The following KCNH6 variants were observed in gnomAD, a reference collection of about 807,000 sequenced individuals.
The protein encoded by KCNH6 is voltage-gated inwardly rectifying potassium channel KCNH6.
KCNH6 carries 81 observed loss-of-function variants against 83.4 expected under a neutral mutation model. The ratio of observed to expected loss-of-function variants is 0.97; its 90% CI spans 0.81 to 1.17. The LOEUF (loss-of-function observed/expected upper bound fraction) is 1.17, where lower values mean the gene tolerates loss of function less well. Ranked by LOEUF, KCNH6 falls within the 50% of genes most tolerant of loss-of-function variation. The probability of loss-of-function intolerance (pLI) is 0.00; values close to 1 mark genes in which losing one functional copy is unlikely to be tolerated. For missense variants in KCNH6, 1,203 were observed against 1,290.5 expected (o/e 0.93, Z 1.04); for synonymous variants, 503 against 545.6 (o/e 0.92, Z 1.09).
At chr17:63,543,878 G>A in intron 10 of KCNH6, 1 of 637,018 alleles carries the variant, frequency 1.6e-6, no homozygotes, top group Non-Finnish European at 2.8e-6. Flanking sequence ...AGGGCTCTGT[G>A]GTTCAAATGC....
chr17:63,534,052 T>C lies in KCNH6; in HGVS notation c.842T>C (p.Leu281Pro), dbSNP rs1374780871. The change falls in exon 5 of 13, where the codon CTG becomes CCG. Residue 281 changes from leucine to proline, a missense_variant. By Grantham distance (98) the Leu-to-Pro change is moderately conservative. Transcript: ENST00000314672. The surrounding 1 kb of genome is among the most constrained non-coding windows in gnomAD (Gnocchi z 5.0). ...TTCACGCCCTACTCAGCCGCCTTCC[T>C]GCTCAGCGATCAGGACGAATCACGG... ...AVFTPYSAAF[L>P]LSDQDESRRG... is the part of the protein sequence containing the mutation. The C allele has an allele frequency of 6.2e-7, 1 of 1,614,184 alleles. No homozygotes were observed. Among genetic ancestry groups the C allele is most frequent in the Admixed American group, 1.7e-5 (1 of 60,020 alleles).
Position 63,544,087 on chromosome 17 carries a change from TG to T in KCNH6, c.2234-157del, listed in dbSNP as rs776509133. On this transcript the variant is annotated intron_variant, in intron 10 of 12. Transcript: ENST00000314672. The stretch of plus-strand genomic sequence containing the variant: ...CTGGGTCCTGGGAGCCAGAACTCCA[TG>T]GGGGCAGGACCTTGTGCTCCAGGGC... 3.4e-5 allele frequency: 55 copies of T among 1,609,514 alleles called. 1 individual carries two copies. The East Asian group carries it at 8.5e-4, about 25-fold the overall frequency.
Position 63,533,755 on chromosome 17 carries a change from A to C in KCNH6, c.676-131A>C, listed in dbSNP as rs1233844549. On this transcript the variant is annotated intron_variant, in intron 4 of 12. Coordinates refer to ENST00000314672, the MANE Select transcript of KCNH6 (RefSeq NM_001278919.2). This position sits in a 1 kb window ranked among gnomAD's most constrained non-coding sequence, Gnocchi z 4.1. ...ACACCCCCCACCCCATCTCTCCCTC[A>C]TCCCCTCTGCCCACCAGAGCCGTGG... 5.5e-6 allele frequency: 4 copies of C among 721,266 alleles called. No homozygotes were observed. The highest frequency in any genetic ancestry group is 5.4e-5 in the Admixed American group (2 of 37,094). 44.7% of individuals were successfully genotyped at this position (721,266 alleles called of 1,614,324 possible). A position where few individuals can be genotyped will look rare whatever the true frequency, so the allele number is the denominator to read the frequency against.
At chr17:63,540,928 TC>T (rs2032821495) in intron 8 of KCNH6, among the ~76,000 whole-genome samples, 1 of 152,144 alleles carries the variant, frequency 6.6e-6, no homozygotes, top group Admixed American at 6.5e-5. Context: ...GGTCCTTGTT[TC>T]TCTCGACACA....
Position 63,533,903 on chromosome 17 carries a change from G to C in KCNH6, c.693G>C (p.Ala231=), listed in dbSNP as rs772657780. The part of the protein sequence containing the change: ...EKVTQVLSLG[A]DVLPEYKLQA... Reference sequence around the variant, plus strand: ...ACCCCCAGGTCCTGTCCCTGGGCGCGGATGTGCTGCCGGAGTACAAGCTGC... The same window carrying C: ...ACCCCCAGGTCCTGTCCCTGGGCGCCGATGTGCTGCCGGAGTACAAGCTGC... Residue 231 remains alanine, a synonymous_variant, in exon 5 of 13, where the codon GCG becomes GCC. Transcript: ENST00000314672. The surrounding 1 kb of genome is among the most constrained non-coding windows in gnomAD (Gnocchi z 4.1). The C allele has an allele frequency of 6.2e-7, 1 of 1,613,372 alleles. No individual in the cohort carries two copies. The highest frequency in any genetic ancestry group is 1.1e-5 in the South Asian group (1 of 91,062).
Position 63,538,673 on chromosome 17 carries a change from C to A in KCNH6, c.1954+11C>A. The A allele has an allele frequency of 6.4e-7, 1 of 1,568,452 alleles. No individual in the cohort carries two copies. The highest frequency in any genetic ancestry group is 8.7e-7 in the Non-Finnish European group (1 of 1,153,112). On this transcript the variant is annotated intron_variant, in intron 8 of 12. Transcript: ENST00000314672. This position sits in a 1 kb window ranked among gnomAD's most constrained non-coding sequence, Gnocchi z 4.0. ...TCGTGGCCATCCTAGGTGGGTCCGG[C>A]GGAGTGGACCAGGCCTGTGTTGGGG...
chr17:63,526,288 A>G (rs2031706766), intron 2 of KCNH6, among the ~76,000 whole-genome samples: 1 of 152,018 alleles, frequency 6.6e-6, no homozygotes. Flanking sequence ...TTGTCCTGAA[A>G]CCCAGAAAGG....
chr17:63,536,326 T>C (rs1413707651), intron 6 of KCNH6: 2 of 513,870 alleles, frequency 3.9e-6, no homozygotes, highest in African/African-American at 1.9e-5. Flanking sequence ...CAAAATGAAA[T>C]TGTAGGGACC....
intron 2 of KCNH6, 64 bp from the exon 3 acceptor site, chr17:63,530,027 C>A: frequency 1.3e-6 from 2 of 1,564,556 alleles, no homozygotes; most frequent in Middle Eastern, 2.3e-4. Context: ...CCTTCCCTAG[C>A]CAGGCCACTG....
intron 10 of KCNH6, chr17:63,543,960 G>T: frequency 9.7e-7 from 1 of 1,031,004 alleles, no homozygotes; most frequent in Non-Finnish European, 1.4e-6. Context: ...GGGCCACTGG[G>T]CTGCAGCTCC....
At chr17:63,531,470 G>T (rs949150565) in intron 4 of KCNH6, among the ~76,000 whole-genome samples, 2 of 152,268 alleles carry the variant, frequency 1.3e-5, no homozygotes, top group African/African-American at 4.8e-5. Flanking sequence ...GCATGGAGGG[G>T]CCTGCTCCCA....
Position 63,530,441 on chromosome 17 carries a change from A to C in KCNH6, c.574A>C (p.Asn192His). Residue 192 changes from asparagine to histidine, a missense_variant, in exon 4 of 13, where the codon AAC becomes CAC. Transcript: ENST00000314672. Reference sequence around the variant, plus strand: ...GTTCACGCTCAACTTCGTGGAGTTCAACTTGGAGAAGCACCGCTCCAGCTC... The same window carrying C: ...GTTCACGCTCAACTTCGTGGAGTTCCACTTGGAGAAGCACCGCTCCAGCTC... ...PQFTLNFVEF[N>H]LEKHRSSSTT... is the part of the protein sequence containing the mutation. 2.5e-6 allele frequency: 4 copies of C among 1,614,206 alleles called. No individual in the cohort carries two copies. Among genetic ancestry groups the C allele is most frequent in the Non-Finnish European group, 3.4e-6 (4 of 1,180,036 alleles).
chr17:63,531,471 C>T (rs1568070868), intron 4 of KCNH6, among the ~76,000 whole-genome samples: 1 of 152,248 alleles, frequency 6.6e-6, no homozygotes, highest in East Asian at 1.9e-4. Flanking sequence ...CATGGAGGGG[C>T]CTGCTCCCAG....
chr17:63,548,713 T>C (rs1435478285), downstream of KCNH6: 1 of 152,220 alleles, frequency 6.6e-6, no homozygotes. Flanking sequence ...AATATCATTA[T>C]TTTTTATTAG....
At chr17:63,529,862 C>A in intron 2 of KCNH6, among the ~76,000 whole-genome samples, 1 of 152,212 alleles carries the variant, frequency 6.6e-6, no homozygotes, top group Non-Finnish European at 1.5e-5. Context: ...CTGATGCTAC[C>A]TTATCTCCTA....
chr17:63,540,836 G>T (rs1598007445), intron 8 of KCNH6, among the ~76,000 whole-genome samples: 2 of 152,288 alleles, frequency 1.3e-5, no homozygotes, highest in Admixed American at 1.3e-4. Context: ...CCCGGCCCTG[G>T]GCTCTCCACC....
Position 63,530,167 on chromosome 17 carries a change from C to T in KCNH6, c.384C>T (p.Asn128=), listed in dbSNP as rs1169330139. The T allele has an allele frequency of 6.2e-7, 1 of 1,614,208 alleles. No individual in the cohort carries two copies. Among genetic ancestry groups the T allele is most frequent in the East Asian group, 2.2e-5 (1 of 44,882 alleles). ...EDGAVIMFIL[N]FEDLAQLLAK... ...GGGCTGTCATCATGTTCATTCTCAA[C>T]TTCGAGGACCTGGCCCAGCTCCTGG... Residue 128 remains asparagine (N), a synonymous_variant, in exon 3 of 13, where the codon AAC becomes AAT. Transcript: ENST00000314672.
intron 9 of KCNH6, among the ~76,000 whole-genome samples, chr17:63,542,895 G>C (rs982435345): frequency 6.6e-6 from 1 of 152,196 alleles, no homozygotes; most frequent in Admixed American, 6.5e-5. Flanking sequence ...TGACAAAGCT[G>C]TCTCTTCTCA....
intron 2 of KCNH6, among the ~76,000 whole-genome samples, chr17:63,529,282 G>A (rs951039133): frequency 2.6e-5 from 4 of 152,204 alleles, no homozygotes; most frequent in African/African-American, 4.8e-5. Flanking sequence ...GGTGGCCAGA[G>A]GGGCCTGCCC....
Sources: allele counts gnomAD v4.1 joint callset (sites outside exome capture counted in the v4.1 genomes callset), GRCh38; gene constraint gnomAD v4.1.1; non-coding constraint Gnocchi (gnomAD v3.1); transcripts MANE v1.5; gene names NCBI Gene and HGNC (gene_info 2026-07-23, HGNC 2026-07-21).